MICU1: variants seen among roughly 807,000 people sequenced by gnomAD.
The protein encoded by MICU1 is mitochondrial calcium uptake 1.
A neutral mutation model predicts 56.8 loss-of-function variants in MICU1; 45 were observed. The observed-to-expected ratio is 0.79, with a 90% confidence interval of 0.62 to 1.02. MICU1 has a LOEUF of 1.02. MICU1 is among the 50% of genes least tolerant of loss of function. The probability of loss-of-function intolerance (pLI) is 0.00; values close to 1 mark genes in which losing one functional copy is unlikely to be tolerated. For missense variants in MICU1, 504 were observed against 587.1 expected (o/e 0.86, Z 1.46); for synonymous variants, 186 against 195.1 (o/e 0.95, Z 0.39).
chr10:72,561,968 C>T (rs115773990), intron 3 of MICU1, among the ~76,000 whole-genome samples: 4,160 of 152,074 alleles, frequency 0.027, 187 homozygotes, highest in African/African-American at 0.096. Flanking sequence ...AGCAACTGAA[C>T]GCAACTCCCT....
At chr10:72,620,087 C>A (rs996655338) in intron 1 of MICU1, among the ~76,000 whole-genome samples, 1 of 152,044 alleles carries the variant, frequency 6.6e-6, no homozygotes, top group Admixed American at 6.6e-5. Context: ...ACTCAAAGAA[C>A]AAACTTTAAA....
chr10:72,375,723 C>A (rs1278348233), intron 11 of MICU1, 60 bp downstream of exon 11: 4 of 1,499,126 alleles, frequency 2.7e-6, no homozygotes, highest in East Asian at 4.8e-5. Flanking sequence ...CCATTATACA[C>A]AAGGGCCTCT....
At chr10:72,397,068 A>T (rs138385963) in intron 10 of MICU1, among the ~76,000 whole-genome samples, 4,586 of 152,310 alleles carry the variant, frequency 0.03, 227 homozygotes, top group African/African-American at 0.11. Flanking sequence ...AGCCCATCAG[A>T]CTAACAGCAG....
At chr10:72,517,914 G>A (rs1382215504) in intron 5 of MICU1, among the ~76,000 whole-genome samples, 2 of 151,942 alleles carry the variant, frequency 1.3e-5, no homozygotes, top group African/African-American at 2.4e-5. Flanking sequence ...CTTCAGGGGT[G>A]ATATGGAGGC....
At chr10:72,580,462 TTTAA>T (rs879804164) in intron 1 of MICU1, among the ~76,000 whole-genome samples, 1,694 of 126,798 alleles carry the variant, frequency 0.013, 9 homozygotes, top group Non-Finnish European at 0.022. Context: ...TATTTATTTA[TTTAA>T]TTAATTAATT....
Position 72,475,267 on chromosome 10 carries a change from T to C in MICU1, c.766A>G (p.Met256Val). 1 of 1,608,510 alleles carries C rather than the reference T, an allele frequency of 6.2e-7. No individual in the cohort carries two copies. ...VQSIIRSQTS[M>V]GMRHRDRPTT... ...GGACGATCTCTGTGGCGCATACCCATACTGGTTTGGGAGCGAATGATGCTC... is the reference window on the plus strand; with the variant it reads ...GGACGATCTCTGTGGCGCATACCCACACTGGTTTGGGAGCGAATGATGCTC... Residue 256 changes from methionine (M) to valine (V), a missense_variant, in exon 8 of 12, where the codon ATG becomes GTG. By Grantham distance (21) the Met-to-Val change is conservative. Transcript: ENST00000361114.
At chr10:72,450,194 A>G (rs747447938) in intron 8 of MICU1, among the ~76,000 whole-genome samples, 2 of 152,052 alleles carry the variant, frequency 1.3e-5, no homozygotes, top group Non-Finnish European at 2.9e-5. Context: ...GAAATGTGTA[A>G]CAAAAATGTG....
chr10:72,546,619 T>A (rs1340006843), intron 4 of MICU1, among the ~76,000 whole-genome samples: 1 of 152,250 alleles, frequency 6.6e-6, no homozygotes, highest in Non-Finnish European at 1.5e-5. Context: ...ATCTAAAGTT[T>A]TTCTCTTAAC....
At chr10:72,623,288 G>A (rs1384821055) in intron 1 of MICU1, among the ~76,000 whole-genome samples, 4 of 81,252 alleles carry the variant, frequency 4.9e-5, no homozygotes, top group African/African-American at 9.3e-5. Flanking sequence ...AAGACAGAGC[G>A]AGACTCCGTC....
At chr10:72,604,807 C>T (rs1233913667) in intron 1 of MICU1, among the ~76,000 whole-genome samples, 1 of 152,156 alleles carries the variant, frequency 6.6e-6, no homozygotes, top group Non-Finnish European at 1.5e-5. Context: ...AAGTGTATTA[C>T]TCTAGGTAAC....
At chr10:72,604,132 T>G (rs990844546) in intron 1 of MICU1, among the ~76,000 whole-genome samples, 1 of 152,142 alleles carries the variant, frequency 6.6e-6, no homozygotes, top group African/African-American at 2.4e-5. Flanking sequence ...CCATGGAACT[T>G]TTTTAGCATT....
chr10:72,406,840 T>G (rs1863646442), intron 10 of MICU1, among the ~76,000 whole-genome samples: 1 of 152,134 alleles, frequency 6.6e-6, no homozygotes, highest in Non-Finnish European at 1.5e-5. Flanking sequence ...TTGACCAGGC[T>G]GGTCTCAAAC....
rs140138735 is a variant in MICU1 at position 72,389,098 on chromosome 10, C to T, written c.1181-13226G>A. On this transcript the variant is annotated intron_variant, in intron 10 of 11. Coordinates refer to ENST00000361114, the MANE Select transcript of MICU1 (RefSeq NM_001195518.2). ...TGTTAGTGTTCCAGATGTGTGATGG[C>T]CTCACAGTCCTGGACAGGACAGTGC... Among the ~76,000 whole-genome samples the T allele has an allele frequency of 2.6e-5, 4 of 152,296 alleles. No individual in the cohort carries two copies. The East Asian group carries it at 7.7e-4, about 29-fold the overall frequency.
intron 1 of MICU1, among the ~76,000 whole-genome samples, chr10:72,579,874 T>C (rs1242003930): frequency 2.0e-5 from 3 of 152,154 alleles, no homozygotes; most frequent in African/African-American, 4.8e-5. Context: ...TAAATGAATT[T>C]TGTGTTTAGA....
chr10:72,438,501 G>C (rs1864810853), intron 8 of MICU1, among the ~76,000 whole-genome samples: 1 of 152,004 alleles, frequency 6.6e-6, no homozygotes, highest in Non-Finnish European at 1.5e-5. Flanking sequence ...AGAGAAGCAA[G>C]AGCAAACAAA....
At chr10:72,600,654 A>AG (rs917056077) in intron 1 of MICU1, among the ~76,000 whole-genome samples, 2 of 151,668 alleles carry the variant, frequency 1.3e-5, no homozygotes, top group Admixed American at 6.6e-5. Flanking sequence ...GTCTCAAAAA[A>AG]AAAAAAAAAA....
chr10:72,461,030 G>A (rs963552864), intron 8 of MICU1, among the ~76,000 whole-genome samples: 2 of 152,142 alleles, frequency 1.3e-5, no homozygotes, highest in African/African-American at 4.8e-5. Flanking sequence ...TGTCCAAGCT[G>A]ATCTAGAGGC....
At chr10:72,621,599 A>G (rs1842107317) in intron 1 of MICU1, among the ~76,000 whole-genome samples, 2 of 152,330 alleles carry the variant, frequency 1.3e-5, no homozygotes, top group East Asian at 3.9e-4. Flanking sequence ...CACAACATGT[A>G]TTTAAATATT....
chr10:72,502,105 G>A (rs187093968), intron 6 of MICU1, among the ~76,000 whole-genome samples: 3 of 150,532 alleles, frequency 2.0e-5, no homozygotes, highest in East Asian at 1.9e-4. Context: ...AAATGATGGC[G>A]ATTTCTTGAA....
Sources: gnomAD v4.1 joint callset for allele counts (sites outside exome capture counted in the v4.1 genomes callset) on GRCh38, gnomAD v4.1.1 for gene constraint, MANE v1.5 for transcripts, NCBI Gene and HGNC (gene_info 2026-07-23, HGNC 2026-07-21) for gene names.